COG6: variants seen among roughly 807,000 people sequenced by gnomAD.
COG6 encodes conserved oligomeric Golgi complex subunit 6.
COG6 carries 74 observed loss-of-function variants against 88.8 expected under a neutral mutation model. The observed-to-expected ratio is 0.83, with a 90% CI of 0.69 to 1.01. The LOEUF (loss-of-function observed/expected upper bound fraction) is 1.01. COG6 is among the 50% of genes least tolerant of loss of function. The pLI is 0.00. For synonymous variants in COG6, 286 were observed against 278.7 expected (o/e 1.03, Z -0.26); for missense variants, 800 against 797.9 (o/e 1.00, Z -0.03).
exon 19 of COG6, chr13:39,789,398 C>T (rs1461072342): frequency 6.6e-6 from 1 of 152,188 alleles, no homozygotes; most frequent in African/African-American, 2.4e-5. Flanking sequence ...AATTTCTCTT[C>T]GAAGAATCAA....
At chr13:39,723,546 TCTC>T in intron 16 of COG6, 106 bp downstream of exon 16, 1 of 730,474 alleles carries the variant, frequency 1.4e-6, no homozygotes, top group East Asian at 2.6e-5. Flanking sequence ...TTAGCTGTGT[TCTC>T]CTGGGAAAGT....
intron 18 of COG6, among the ~76,000 whole-genome samples, chr13:39,729,723 A>G (rs1879333140): frequency 6.6e-6 from 1 of 152,226 alleles, no homozygotes; most frequent in African/African-American, 2.4e-5. Flanking sequence ...ATACTAATGG[A>G]ACAGGTCTGA....
intron 18 of COG6, among the ~76,000 whole-genome samples, chr13:39,749,330 A>G (rs1001155443): frequency 1.3e-5 from 2 of 152,228 alleles, no homozygotes; most frequent in African/African-American, 4.8e-5. Flanking sequence ...ACATGTGAAC[A>G]TAAACAGTGT....
exon 19 of COG6, chr13:39,788,370 A>C (rs1272374639): frequency 1.3e-6 from 2 of 1,551,436 alleles, no homozygotes; most frequent in Non-Finnish European, 1.7e-6. Flanking sequence ...TCTTGTAACC[A>C]GTGCAGGACC....
intron 12 of COG6, among the ~76,000 whole-genome samples, 164 bp from the exon 13 acceptor site, chr13:39,699,337 A>G (rs1877445639): frequency 6.6e-6 from 1 of 151,840 alleles, no homozygotes; most frequent in South Asian, 2.1e-4. Context: ...AAAAACAAAA[A>G]TCCTGATTTT....
chr13:39,736,110 C>A (rs1879729943), intron 18 of COG6, among the ~76,000 whole-genome samples: 1 of 152,044 alleles, frequency 6.6e-6, no homozygotes, highest in African/African-American at 2.4e-5. Flanking sequence ...TCTCTCTCTG[C>A]CTCCTCTTTA....
intron 8 of COG6, 66 bp from the exon 9 acceptor site, chr13:39,687,437 G>A (rs374127999): frequency 1.8e-5 from 26 of 1,426,984 alleles, no homozygotes; most frequent in African/African-American, 4.2e-5. Context: ...CAGAAATTGC[G>A]TGAATAGTCT....
chr13:39,700,944 G>T (rs770880296), intron 13 of COG6, among the ~76,000 whole-genome samples: 3 of 151,680 alleles, frequency 2.0e-5, no homozygotes, highest in Non-Finnish European at 2.9e-5. Flanking sequence ...ATAGAAGAAA[G>T]AAATAGAATA....
intron 13 of COG6, among the ~76,000 whole-genome samples, chr13:39,717,679 C>T (rs980640795): frequency 2.0e-5 from 3 of 151,960 alleles, no homozygotes; most frequent in Non-Finnish European, 4.4e-5. Flanking sequence ...CCAGCCTGGG[C>T]AACATAGCAA....
At chr13:39,729,956 A>G (rs981600519) in intron 18 of COG6, among the ~76,000 whole-genome samples, 1 of 152,318 alleles carries the variant, frequency 6.6e-6, no homozygotes, top group Non-Finnish European at 1.5e-5. Context: ...TTTGCCTCAG[A>G]AACTTGTCAG....
intron 18 of COG6, among the ~76,000 whole-genome samples, chr13:39,732,708 A>G (rs1879517922): frequency 6.6e-6 from 1 of 152,216 alleles, no homozygotes; most frequent in Admixed American, 6.5e-5. Flanking sequence ...AAGCACAGAT[A>G]GAAAAAAAAT....
At position 39,752,416 on chromosome 13, in the gene COG6, G is replaced by T. The variant is rs1263720584; in HGVS notation, c.*1323G>T. ...GATTATATAATCGTTATCCATTTGG[G>T]TATAAATCTGTATTTTTAGTTTTTT... is the stretch of plus-strand genomic sequence containing the variant. On this transcript the variant is annotated 3_prime_UTR_variant, in exon 19 of 19. Coordinates refer to ENST00000455146, the MANE Select transcript of COG6 (RefSeq NM_020751.3). 8 of 1,020,290 alleles carry T rather than the reference G, an allele frequency of 7.8e-6. No individual in the cohort carries two copies. Among genetic ancestry groups the T allele is most frequent in the Non-Finnish European group, 1.0e-5 (8 of 766,246 alleles). The allele number at this position is 1,020,290 out of a possible 1,614,324, so 63.2% of individuals were successfully genotyped here.
intron 13 of COG6, among the ~76,000 whole-genome samples, chr13:39,714,049 T>G (rs1358284162): frequency 6.6e-6 from 1 of 152,192 alleles, no homozygotes; most frequent in East Asian, 1.9e-4. Flanking sequence ...TGATTTACCA[T>G]CAACTCTAAC....
intron 5 of COG6, 63 bp from the exon 6 acceptor site, chr13:39,679,475 C>A: frequency 2.2e-6 from 2 of 910,828 alleles, no homozygotes; most frequent in South Asian, 1.3e-5. Flanking sequence ...AGTGACCTTT[C>A]AGTTTTAAAT....
Position 39,751,682 on chromosome 13 carries a change from C to CTA in COG6, c.*597_*598dup. The CTA allele has an allele frequency of 7.8e-7, 1 of 1,286,654 alleles. No homozygotes were observed. The highest frequency in any genetic ancestry group is 1.0e-6 in the Non-Finnish European group (1 of 988,316). The allele number at this position is 1,286,654 out of a possible 1,614,324, so 79.7% of individuals were successfully genotyped here. ...CTCCTTTCTGTTCTACTTTAGCATA[C>CTA]TATATATATTTGACTGTGTACATTC... is the stretch of plus-strand genomic sequence containing the variant. On this transcript the variant is annotated 3_prime_UTR_variant, in exon 19 of 19. Transcript: ENST00000455146.
At chr13:39,750,901 A>G (rs367803589) in intron 18 of COG6, 45 bp from the exon 19 acceptor site, 2 of 1,473,520 alleles carry the variant, frequency 1.4e-6, no homozygotes, top group Admixed American at 1.7e-5. Context: ...TAGTAAATAT[A>G]TTTTTTTCAA....
At chr13:39,707,223 G>C (rs978667509) in intron 13 of COG6, among the ~76,000 whole-genome samples, 1 of 151,244 alleles carries the variant, frequency 6.6e-6, no homozygotes, top group Admixed American at 6.6e-5. Context: ...CTGCCTCCCG[G>C]GTTCAAGTGA....
chr13:39,717,385 T>A (rs1878583358), intron 13 of COG6, among the ~76,000 whole-genome samples: 1 of 152,130 alleles, frequency 6.6e-6, no homozygotes, highest in Non-Finnish European at 1.5e-5. Context: ...TTTCTGTCAT[T>A]GTTTCTTCAC....
intron 8 of COG6, among the ~76,000 whole-genome samples, chr13:39,686,694 A>G (rs1876662665): frequency 6.6e-6 from 1 of 152,150 alleles, no homozygotes; most frequent in African/African-American, 2.4e-5. Context: ...GACTTTTTTA[A>G]TGTAGAAGAG....
Sources: gnomAD v4.1 joint callset for allele counts (sites outside exome capture counted in the v4.1 genomes callset) on GRCh38, gnomAD v4.1.1 for gene constraint, MANE v1.5 for transcripts, NCBI Gene and HGNC (gene_info 2026-07-23, HGNC 2026-07-21) for gene names.